Variants in PITPNC1 observed in about 807,000 individuals in gnomAD.
PITPNC1 encodes cytoplasmic phosphatidylinositol transfer protein 1.
PITPNC1 carries 18 observed loss-of-function variants against 44.7 expected under a neutral mutation model. The ratio of observed to expected loss-of-function variants is 0.40; its 90% CI spans 0.28 to 0.60. The LOEUF (loss-of-function observed/expected upper bound fraction) is 0.60. Among genes scored for constraint, PITPNC1 ranks in the 20% least tolerant of loss-of-function variants. The pLI, the probability that PITPNC1 is intolerant of heterozygous loss-of-function variation, is 0.39. For missense variants in PITPNC1, 290 were observed against 418.4 expected (o/e 0.69, Z 2.68); for synonymous variants, 141 against 149.6 (o/e 0.94, Z 0.42).
chr17:67,551,633 C>T (rs1808294602), intron 2 of PITPNC1, among the ~76,000 whole-genome samples: 1 of 152,174 alleles, frequency 6.6e-6, no homozygotes. Flanking sequence ...ATGATTTCAT[C>T]TTGTGATCTT....
chr17:67,599,001 CATATATATATATATATAT>C (rs1172990089), intron 5 of PITPNC1, among the ~76,000 whole-genome samples: 3 of 45,160 alleles, frequency 6.6e-5, no homozygotes, highest in African/African-American at 2.1e-4. Context: ...ATAAGAAATA[CATATATATATATATATAT>C]ATATATATAT....
chr17:67,573,351 G>GGACCT (rs1471964655), intron 4 of PITPNC1, among the ~76,000 whole-genome samples: 2 of 152,132 alleles, frequency 1.3e-5, no homozygotes, highest in African/African-American at 2.4e-5. Context: ...AGGTAGGGTA[G>GGACCT]GACCTGAGGG....
chr17:67,408,849 CAATT>C (rs879638311), intron 1 of PITPNC1: 4 of 152,012 alleles, frequency 2.6e-5, no homozygotes, highest in Non-Finnish European at 5.9e-5. Flanking sequence ...TGTGAACAAT[CAATT>C]GAGATAACTC....
chr17:67,398,227 C>T, intron 1 of PITPNC1, among the ~76,000 whole-genome samples: 1 of 152,014 alleles, frequency 6.6e-6, no homozygotes, highest in Admixed American at 6.6e-5. Context: ...CCAAATACAT[C>T]TTTATTAATC....
chr17:67,683,162 C>CAAAAA lies in PITPNC1; in HGVS notation c.682+7641_682+7645dup, dbSNP rs901577194. Among the ~76,000 whole-genome samples the CAAAAA allele has an allele frequency of 7.5e-3, 313 of 41,472 alleles. 9 individuals carry two copies. The highest frequency in any genetic ancestry group is 0.021 in the African/African-American group (283 of 13,562). 27.2% of individuals were successfully genotyped at this position (41,472 alleles called of 152,430 possible). ...GGGTGACAAGAGCGAAACTGAGTCT[C>CAAAAA]AAAAAAAAAAAAAAAAAAAAAAAAA... On this transcript the variant is annotated intron_variant, in intron 8 of 8. Coordinates refer to ENST00000581322, the MANE Select transcript of PITPNC1 (RefSeq NM_012417.4).
intron 8 of PITPNC1, among the ~76,000 whole-genome samples, chr17:67,678,330 T>C (rs552937024): frequency 1.3e-5 from 2 of 152,290 alleles, no homozygotes; most frequent in African/African-American, 4.8e-5. Flanking sequence ...AGAGCACTTA[T>C]TTACTTAGGA....
chr17:67,561,740 C>A (rs976319474), intron 4 of PITPNC1, among the ~76,000 whole-genome samples: 2 of 152,170 alleles, frequency 1.3e-5, no homozygotes, highest in Non-Finnish European at 2.9e-5. Flanking sequence ...CACACTGATC[C>A]ATTCCCATCT....
intron 1 of PITPNC1, among the ~76,000 whole-genome samples, chr17:67,530,370 C>T (rs1279239770): frequency 6.6e-6 from 1 of 151,872 alleles, no homozygotes; most frequent in Non-Finnish European, 1.5e-5. Context: ...GGATTGCAGG[C>T]GTGAGCCACT....
chr17:67,394,835 C>T (rs1277192416), intron 1 of PITPNC1, among the ~76,000 whole-genome samples: 1 of 151,734 alleles, frequency 6.6e-6, no homozygotes, highest in Non-Finnish European at 1.5e-5. Context: ...GCGGAGCTTG[C>T]AGTGAGCCGA....
At position 67,377,846 on chromosome 17, in the gene PITPNC1, G is replaced by A. The variant is rs1598591913; in HGVS notation, c.-309G>A. On this transcript the variant is annotated 5_prime_UTR_variant, in exon 1 of 9. Coordinates refer to ENST00000581322, the MANE Select transcript of PITPNC1 (RefSeq NM_012417.4). The stretch of plus-strand genomic sequence containing the variant: ...ATCTGGCGGCCGCTCCTACCACCCT[G>A]GGCAGCCGAGCAGAGTCGTCCCCAG... 3.2e-5 allele frequency: 11 copies of A among 338,902 alleles called. No homozygotes were observed. In the East Asian group the frequency reaches 5.2e-4, roughly 16 times the overall value. 21.0% of individuals were successfully genotyped at this position (338,902 alleles called of 1,614,324 possible).
chr17:67,507,683 CAAAAAAAAAA>C (rs59838492), intron 1 of PITPNC1, among the ~76,000 whole-genome samples: 1 of 79,498 alleles, frequency 1.3e-5, no homozygotes, highest in African/African-American at 5.3e-5. Flanking sequence ...GACTTGGTCT[CAAAAAAAAAA>C]AAAAAAAAAA....
rs553692391 is a variant in PITPNC1 at position 67,396,652 on chromosome 17, G to A, written c.48+18450G>A. On this transcript the variant is annotated intron_variant, in intron 1 of 8. Coordinates refer to ENST00000581322, the MANE Select transcript of PITPNC1 (RefSeq NM_012417.4). Reference sequence around the variant, plus strand: ...CCCAAAGTGCTGTGATTACAGGCGTGAGCCACCACACCTGGCCTTATTTTT... The same window carrying A: ...CCCAAAGTGCTGTGATTACAGGCGTAAGCCACCACACCTGGCCTTATTTTT... Among the ~76,000 whole-genome samples, 7 of 150,212 alleles carry A rather than the reference G, an allele frequency of 4.7e-5. No individual in the cohort carries two copies. In the East Asian group the frequency reaches 1.4e-3, roughly 30 times the overall value.
chr17:67,562,623 C>T (rs1463603462), intron 4 of PITPNC1, among the ~76,000 whole-genome samples: 1 of 152,034 alleles, frequency 6.6e-6, no homozygotes, highest in Non-Finnish European at 1.5e-5. Context: ...ACCCTGTCAC[C>T]ATAACCACCC....
At chr17:67,603,364 A>T (rs539777807) in intron 5 of PITPNC1, among the ~76,000 whole-genome samples, 67 of 152,290 alleles carry the variant, frequency 4.4e-4, no homozygotes, top group African/African-American at 1.5e-3. Context: ...ACTCATAATA[A>T]TGGTGATGGT....
intron 1 of PITPNC1, among the ~76,000 whole-genome samples, chr17:67,419,215 C>T (rs2143861607): frequency 6.6e-6 from 1 of 151,708 alleles, no homozygotes; most frequent in Middle Eastern, 3.4e-3. Flanking sequence ...CAGGGGTTGG[C>T]AAAGAGTCAG....
intron 1 of PITPNC1, among the ~76,000 whole-genome samples, chr17:67,448,308 A>G (rs1237139343): frequency 6.6e-6 from 1 of 151,758 alleles, no homozygotes; most frequent in Non-Finnish European, 1.5e-5. Context: ...AGGTGTTTTC[A>G]TTTGCTTTTG....
At chr17:67,571,772 T>C (rs534081425) in intron 4 of PITPNC1, among the ~76,000 whole-genome samples, 35 of 152,370 alleles carry the variant, frequency 2.3e-4, no homozygotes, top group Admixed American at 1.8e-3. Flanking sequence ...AATCTCTGCT[T>C]TTTCTAAAGT....
intron 1 of PITPNC1, among the ~76,000 whole-genome samples, chr17:67,484,455 G>C (rs964716605): frequency 6.6e-6 from 1 of 152,154 alleles, no homozygotes; most frequent in African/African-American, 2.4e-5. Flanking sequence ...CTCTAGCTCA[G>C]TCGCCACATA....
At chr17:67,433,464 G>C (rs988118007) in intron 1 of PITPNC1, among the ~76,000 whole-genome samples, 13 of 152,152 alleles carry the variant, frequency 8.5e-5, no homozygotes, top group Non-Finnish European at 1.8e-4. Context: ...AAGCTGGGGA[G>C]CCGGGTGCAG....
Sources: gnomAD v4.1 joint callset for allele counts (sites outside exome capture counted in the v4.1 genomes callset) on GRCh38, gnomAD v4.1.1 for gene constraint, MANE v1.5 for transcripts, NCBI Gene and HGNC (gene_info 2026-07-23, HGNC 2026-07-21) for gene names.